TRIM5: variants seen among roughly 807,000 people sequenced by gnomAD.
TRIM5 encodes tripartite motif-containing protein 5.
Under a neutral mutation model 35.6 loss-of-function variants are expected in TRIM5, and 31 were observed. The ratio of observed to expected loss-of-function variants is 0.87; its 90% CI spans 0.65 to 1.18. TRIM5 has a LOEUF of 1.18. TRIM5 is among the 50% of genes most tolerant of loss of function. The probability of loss-of-function intolerance (pLI) is 0.00; values close to 1 mark genes in which losing one functional copy is unlikely to be tolerated. For synonymous variants in TRIM5, 243 were observed against 215.6 expected, an observed-to-expected ratio of 1.13 and a Z score of -1.11; for missense variants, 609 against 591.6, an observed-to-expected ratio of 1.03 and a Z score of -0.31.
Position 5,663,376 on chromosome 11 carries a change from T to TTA in TRIM5, c.*1431_*1432dup. On this transcript the variant is annotated 3_prime_UTR_variant, in exon 8 of 8. Coordinates refer to ENST00000380034, the MANE Select transcript of TRIM5 (RefSeq NM_033034.3). ...ATAAAATCCTAAATATATGTGTGTATTATATATAGAAGGCAGAATTGAAGT... is the reference window on the plus strand; with the variant it reads ...ATAAAATCCTAAATATATGTGTGTATTATATATATAGAAGGCAGAATTGAAGT... 9.3e-6 allele frequency: 9 copies of TTA among 967,846 alleles called. No homozygotes were observed. The highest frequency in any genetic ancestry group is 1.1e-5 in the Non-Finnish European group (9 of 813,916). The allele number at this position is 967,846 out of a possible 1,614,324, so 60.0% of individuals were successfully genotyped here.
chr11:5,616,021 G>A, the TRIM5 span, among the ~76,000 whole-genome samples: 3 of 148,662 alleles, frequency 2.0e-5, no homozygotes, highest in African/African-American at 2.5e-5. Context: ...CGCGATCTCG[G>A]CTCACTGCAA....
At chr11:5,633,013 G>T in the TRIM5 span, among the ~76,000 whole-genome samples, 131,130 of 133,064 alleles carry the variant, frequency 0.99, 64,598 homozygotes, top group Middle Eastern at 1. Context: ...TTTTTTTTTG[G>T]ATTTTTAGTA....
At chr11:5,643,126 T>TATA in the TRIM5 span, 4,407 of 1,109,770 alleles carry the variant, frequency 4.0e-3, 91 homozygotes, top group South Asian at 8.6e-3. Context: ...TATATATATA[T>TATA]TTTTTTTTTT....
the TRIM5 span, chr11:5,643,805 CCTT>C: frequency 6.8e-7 from 1 of 1,472,058 alleles, no homozygotes. Context: ...TTGTGGTTTC[CCTT>C]CTTTAGAACT....
chr11:5,591,310 T>C, the TRIM5 span, among the ~76,000 whole-genome samples: 1 of 152,280 alleles, frequency 6.6e-6, no homozygotes, highest in African/African-American at 2.4e-5. Context: ...ATGGCACCTT[T>C]TGAGAAAAGC....
At chr11:5,679,274 G>A (rs954876529) in intron 2 of TRIM5, 105 bp from the exon 3 acceptor site, 2 of 995,298 alleles carry the variant, frequency 2.0e-6, no homozygotes, top group African/African-American at 3.2e-5. Context: ...AAACAAATTT[G>A]CAGAAACTGT....
chr11:5,640,613 C>T, the TRIM5 span, among the ~76,000 whole-genome samples: 13 of 152,084 alleles, frequency 8.5e-5, no homozygotes, highest in African/African-American at 3.1e-4. Flanking sequence ...CTTGTGATGT[C>T]TTTGGTTCTT....
intron 4 of TRIM5, among the ~76,000 whole-genome samples, chr11:5,676,311 A>G (rs911510523): frequency 1.3e-5 from 2 of 152,150 alleles, no homozygotes; most frequent in Non-Finnish European, 2.9e-5. Flanking sequence ...ATACACCAAC[A>G]ACAGACAAAC....
Position 5,664,692 on chromosome 11 carries a change from TAGAA to T in TRIM5, c.*113_*116del. 2 of 1,470,626 alleles carry T rather than the reference TAGAA, an allele frequency of 1.4e-6. No homozygotes were observed. The highest frequency in any genetic ancestry group is 1.8e-6 in the Non-Finnish European group (2 of 1,115,584). The allele number at this position is 1,470,626 out of a possible 1,614,324, so 91.1% of individuals were successfully genotyped here. ...TACTGATGAGTGAAGGACGTTCAAA[TAGAA>T]AGAAGGGAGACAGCAAGGAAAAGAT... On this transcript the variant is annotated 3_prime_UTR_variant, in exon 8 of 8. Coordinates refer to ENST00000380034, the MANE Select transcript of TRIM5 (RefSeq NM_033034.3).
chr11:5,647,085 G>C, the TRIM5 span, among the ~76,000 whole-genome samples: 1 of 152,192 alleles, frequency 6.6e-6, no homozygotes, highest in African/African-American at 2.4e-5. Flanking sequence ...TATCAGGAGA[G>C]GAATCCTGTC....
chr11:5,640,713 G>C, the TRIM5 span, among the ~76,000 whole-genome samples: 1 of 152,080 alleles, frequency 6.6e-6, no homozygotes, highest in East Asian at 1.9e-4. Context: ...AATAACTTAT[G>C]AAGTTTTGAT....
At chr11:5,608,058 C>G in the TRIM5 span, among the ~76,000 whole-genome samples, 2 of 152,192 alleles carry the variant, frequency 1.3e-5, no homozygotes, top group African/African-American at 4.8e-5. Flanking sequence ...ATGACTTCAT[C>G]ATCTGAGGTT....
At chr11:5,681,949 C>A (rs1452774624) in intron 1 of TRIM5, among the ~76,000 whole-genome samples, 2 of 152,154 alleles carry the variant, frequency 1.3e-5, no homozygotes, top group East Asian at 1.9e-4. Flanking sequence ...CAGGCACGCA[C>A]CACCACACCC....
At chr11:5,598,448 T>A in the TRIM5 span, among the ~76,000 whole-genome samples, 1 of 152,134 alleles carries the variant, frequency 6.6e-6, no homozygotes, top group Non-Finnish European at 1.5e-5. Context: ...AAAAGACATA[T>A]AATGAACTAG....
chr11:5,623,967 A>C, the TRIM5 span, among the ~76,000 whole-genome samples: 1 of 152,188 alleles, frequency 6.6e-6, no homozygotes, highest in Non-Finnish European at 1.5e-5. Flanking sequence ...GTTTTGATGC[A>C]TACAGCACAG....
chr11:5,632,700 G>A, the TRIM5 span: 1 of 1,612,476 alleles, frequency 6.2e-7, no homozygotes, highest in Non-Finnish European at 8.5e-7. Flanking sequence ...AGCGGTCTCA[G>A]GAGCACCGTG....
At chr11:5,597,000 T>G in the TRIM5 span, 1 of 1,600,882 alleles carries the variant, frequency 6.2e-7, no homozygotes, top group Non-Finnish European at 8.5e-7. Context: ...TCCTTTCCCT[T>G]TCGGAACTCA....
intron 2 of TRIM5, among the ~76,000 whole-genome samples, chr11:5,679,445 A>G (rs1852254618): frequency 6.6e-6 from 1 of 152,052 alleles, no homozygotes; most frequent in South Asian, 2.1e-4. Context: ...AAAAACTTAC[A>G]TCTCAACCCA....
the TRIM5 span, chr11:5,605,404 G>A: frequency 6.2e-7 from 1 of 1,614,184 alleles, no homozygotes; most frequent in East Asian, 2.2e-5. Context: ...ATCCTAGACA[G>A]AGTGGAGCAA....
Sources: gnomAD v4.1 joint callset for allele counts (sites outside exome capture counted in the v4.1 genomes callset) on GRCh38, gnomAD v4.1.1 for gene constraint, MANE v1.5 for transcripts, NCBI Gene and HGNC (gene_info 2026-07-23, HGNC 2026-07-21) for gene names.